The following PRKG1 variants were observed in gnomAD, a reference collection of about 807,000 sequenced individuals.
PRKG1 encodes cGMP-dependent protein kinase 1.
PRKG1 carries 35 observed loss-of-function variants against 88.1 expected under a neutral mutation model. The observed-to-expected ratio is 0.40, with a 90% CI of 0.30 to 0.53. The LOEUF is 0.53. PRKG1 is among the 20% of genes least tolerant of loss of function. PRKG1 has a pLI of 0.59. For missense variants in PRKG1, 540 were observed against 839.8 expected (o/e 0.64, Z 4.41); for synonymous variants, 303 against 292.5 (o/e 1.04, Z -0.37).
intron 3 of PRKG1, among the ~76,000 whole-genome samples, chr10:51,703,522 T>G (rs1841526526): frequency 6.6e-6 from 1 of 152,186 alleles, no homozygotes; most frequent in African/African-American, 2.4e-5. Flanking sequence ...TCAGCAAAAT[T>G]GTGATTTTCC....
chr10:51,864,294 C>T (rs963329557), intron 4 of PRKG1, among the ~76,000 whole-genome samples: 11 of 152,228 alleles, frequency 7.2e-5, no homozygotes, highest in African/African-American at 2.2e-4. Context: ...ATTGGTTCCT[C>T]TGCCCATCAG....
At chr10:51,296,709 A>G (rs1029709915) in intron 2 of PRKG1, among the ~76,000 whole-genome samples, 2 of 151,872 alleles carry the variant, frequency 1.3e-5, no homozygotes, top group Non-Finnish European at 2.9e-5. Context: ...TCCTTCTGAT[A>G]ATTTTAGGTT....
chr10:51,908,734 A>ATATATATATTTTTTT (rs563212069), intron 5 of PRKG1: 12 of 52,230 alleles, frequency 2.3e-4, no homozygotes, highest in South Asian at 4.7e-4. Context: ...TCTATATGTA[A>ATATATATATTTTTTT]TTTTTTTTTT....
At position 51,409,850 on chromosome 10, in the gene PRKG1, CAAAAA is replaced by C. The variant is rs71459417; in HGVS notation, c.479-57857_479-57853del. On this transcript the variant is annotated intron_variant, in intron 2 of 17. Coordinates refer to ENST00000373980, the MANE Select transcript of PRKG1 (RefSeq NM_006258.4). ...GCCTGGCAACAGAGAGAGACTCTGT[CAAAAA>C]AAAAAAAAAAAAAAAGGAGAGTAGT... Among the ~76,000 whole-genome samples, 12 of 79,498 alleles carry C rather than the reference CAAAAA, an allele frequency of 1.5e-4. 1 individual carries two copies. In the Admixed American group the frequency reaches 1.8e-3, roughly 12 times the overall value. 52.2% of individuals were successfully genotyped at this position (79,498 alleles called of 152,430 possible).
chr10:51,535,556 C>T (rs113645943), intron 3 of PRKG1, among the ~76,000 whole-genome samples: 1 of 151,968 alleles, frequency 6.6e-6, no homozygotes. Context: ...ATAAGAAAGT[C>T]GTTTTATCTT....
rs545064719 is a variant in PRKG1 at position 51,368,351 on chromosome 10, C to T, written c.479-99372C>T. The stretch of plus-strand genomic sequence containing the variant: ...CAAGAAATTTTACAGCTTCTCTTGA[C>T]TTTTTAATAGCCATTCACCTAGTAG... On this transcript the variant is annotated intron_variant, in intron 2 of 17. Transcript: ENST00000373980. Among the ~76,000 whole-genome samples, 12 of 152,102 alleles carry T rather than the reference C, an allele frequency of 7.9e-5. No homozygotes were observed. The East Asian group carries it at 2.3e-3, about 30-fold the overall frequency.
At chr10:51,932,647 C>T (rs1842718567) in intron 5 of PRKG1, among the ~76,000 whole-genome samples, 1 of 152,128 alleles carries the variant, frequency 6.6e-6, no homozygotes, top group South Asian at 2.1e-4. Context: ...CTTTAAAAGG[C>T]CCAGCCCTGG....
At chr10:51,602,950 TG>T (rs924031931) in intron 3 of PRKG1, among the ~76,000 whole-genome samples, 4 of 152,006 alleles carry the variant, frequency 2.6e-5, no homozygotes, top group African/African-American at 9.7e-5. Context: ...AACTTTTGGA[TG>T]AAATAATTCA....
At chr10:51,621,315 C>T (rs887891534) in intron 3 of PRKG1, among the ~76,000 whole-genome samples, 21 of 101,886 alleles carry the variant, frequency 2.1e-4, no homozygotes, top group Non-Finnish European at 3.5e-4. Flanking sequence ...TTCTTAGTTT[C>T]CAGACCCCTT....
At chr10:52,242,699 C>A (rs989175138) in intron 9 of PRKG1, among the ~76,000 whole-genome samples, 1 of 151,992 alleles carries the variant, frequency 6.6e-6, no homozygotes, top group African/African-American at 2.4e-5. Flanking sequence ...GAGTTGGAGA[C>A]CATCCTGGCC....
At chr10:51,362,992 C>T (rs1842515915) in intron 2 of PRKG1, among the ~76,000 whole-genome samples, 1 of 151,892 alleles carries the variant, frequency 6.6e-6, no homozygotes, top group Non-Finnish European at 1.5e-5. Context: ...AAATCATTCT[C>T]TGTCCTAGTC....
chr10:51,414,741 G>C (rs1226716593), intron 2 of PRKG1, among the ~76,000 whole-genome samples: 1 of 151,804 alleles, frequency 6.6e-6, no homozygotes, highest in Non-Finnish European at 1.5e-5. Context: ...TTTTATTCTT[G>C]ACATTTACAA....
chr10:51,701,960 G>A (rs1054246533), intron 3 of PRKG1, among the ~76,000 whole-genome samples: 3 of 152,104 alleles, frequency 2.0e-5, no homozygotes, highest in Admixed American at 6.5e-5. Context: ...GATGCTGCTG[G>A]TTTGGAGATC....
At chr10:51,527,526 GA>G (rs968192812) in intron 3 of PRKG1, among the ~76,000 whole-genome samples, 19 of 151,930 alleles carry the variant, frequency 1.3e-4, no homozygotes, top group South Asian at 2.1e-4. Context: ...ATTTCAAGGG[GA>G]AAAAAAAGTA....
At chr10:51,729,706 C>CA (rs34900286) in intron 3 of PRKG1, among the ~76,000 whole-genome samples, 16,356 of 28,694 alleles carry the variant, frequency 0.57, 6,268 homozygotes, top group Non-Finnish European at 0.72. Flanking sequence ...GACTCCATCT[C>CA]AAAAAAAAAA....
At chr10:51,944,160 A>T in intron 5 of PRKG1, among the ~76,000 whole-genome samples, 1 of 152,194 alleles carries the variant, frequency 6.6e-6, no homozygotes, top group South Asian at 2.1e-4. Context: ...CAGAGAGTCA[A>T]CTTCTTCCTG....
intron 5 of PRKG1, among the ~76,000 whole-genome samples, chr10:52,043,005 G>T (rs975855281): frequency 6.6e-6 from 1 of 152,084 alleles, no homozygotes; most frequent in Admixed American, 6.6e-5. Flanking sequence ...AGGGAAATGT[G>T]AATCAGAACC....
At chr10:51,172,520 T>C (rs991999698) in intron 2 of PRKG1, among the ~76,000 whole-genome samples, 13 of 152,068 alleles carry the variant, frequency 8.5e-5, no homozygotes, top group African/African-American at 3.1e-4. Flanking sequence ...AGTACCTACT[T>C]TTTAATAATA....
chr10:51,065,065 T>C (rs186621059), intron 1 of PRKG1, among the ~76,000 whole-genome samples: 70 of 152,226 alleles, frequency 4.6e-4, no homozygotes, highest in African/African-American at 1.6e-3. Context: ...ACAGAAGTTA[T>C]TAAGTATATT....
Sources: allele counts gnomAD v4.1 joint callset (sites outside exome capture counted in the v4.1 genomes callset), GRCh38; gene constraint gnomAD v4.1.1; transcripts MANE v1.5; gene names NCBI Gene and HGNC (gene_info 2026-07-23, HGNC 2026-07-21).